Variants in ZC3H12D observed in about 807,000 individuals in gnomAD.
The protein encoded by ZC3H12D is zinc finger CCCH-type containing 12D, also known as probable ribonuclease ZC3H12D.
ZC3H12D carries 11 observed loss-of-function variants against 24.2 expected under a neutral mutation model. The ratio of observed to expected loss-of-function variants is 0.46; its 90% CI spans 0.29 to 0.75. ZC3H12D has a LOEUF of 0.75. Ranked by LOEUF, ZC3H12D falls within the 30% of genes least tolerant of loss-of-function variation. ZC3H12D has a pLI of 0.11. For synonymous variants in ZC3H12D, 333 were observed against 341.8 expected (o/e 0.97, Z 0.28); for missense variants, 740 against 767.7 (o/e 0.96, Z 0.43).
intron 4 of ZC3H12D, among the ~76,000 whole-genome samples, chr6:149,455,680 G>T (rs1775968024): frequency 6.6e-6 from 1 of 152,130 alleles, no homozygotes; most frequent in South Asian, 2.1e-4. Context: ...AACCAGCCAG[G>T]TTCTCTTGAA....
In ZC3H12D at chr6:149,456,624, CCCCGCCG is replaced by C; in HGVS notation, c.680+35_680+41del. 1 of 1,332,594 alleles carries C rather than the reference CCCCGCCG, an allele frequency of 7.5e-7. No individual in the cohort carries two copies. Among genetic ancestry groups the C allele is most frequent in the Non-Finnish European group, 1.1e-6 (1 of 935,872 alleles). The allele number at this position is 1,332,594 out of a possible 1,614,324, so 82.5% of individuals were successfully genotyped here. A position where few individuals can be genotyped will look rare whatever the true frequency, so the allele number is the denominator to read the frequency against. ...CCACTGCCTCGACCCCGGCCCCCCGCCCCGCCGCCCCCCAGGGTGTCAGGACCCCAGC... is the reference window on the plus strand; with the variant it reads ...CCACTGCCTCGACCCCGGCCCCCCGCCCCCCCAGGGTGTCAGGACCCCAGC... On this transcript the variant is annotated intron_variant, in intron 4 of 5. Transcript: ENST00000409806. The surrounding 1 kb of genome is among the most constrained non-coding windows in gnomAD (Gnocchi z 4.3).
chr6:149,457,942 T>C (rs981002746), intron 3 of ZC3H12D, among the ~76,000 whole-genome samples: 4 of 152,044 alleles, frequency 2.6e-5, no homozygotes, highest in South Asian at 4.1e-4. Flanking sequence ...CTTTGAGAAA[T>C]AGGAGGTGGC....
At chr6:149,481,916 GCT>G (rs1776431924) in intron 1 of ZC3H12D, among the ~76,000 whole-genome samples, 1 of 152,250 alleles carries the variant, frequency 6.6e-6, no homozygotes, top group South Asian at 2.1e-4. Context: ...CCAAGGAACG[GCT>G]CTGAGGAAAG....
chr6:149,476,684 T>C (rs1299188753), intron 1 of ZC3H12D, among the ~76,000 whole-genome samples: 1 of 152,146 alleles, frequency 6.6e-6, no homozygotes, highest in Non-Finnish European at 1.5e-5. Flanking sequence ...GGCGTTGGCC[T>C]GTAATCCCAG....
chr6:149,475,795 G>A (rs1299079844), intron 1 of ZC3H12D, among the ~76,000 whole-genome samples: 1 of 152,110 alleles, frequency 6.6e-6, no homozygotes, highest in Non-Finnish European at 1.5e-5. Context: ...GGGGTTGGGG[G>A]GTGGCCTGGG....
In ZC3H12D at chr6:149,465,389, T is replaced by TTTATAG. The variant is rs1452360165; in HGVS notation, c.306-3420_306-3419insCTATAA. On this transcript the variant is annotated intron_variant, in intron 2 of 5. Coordinates refer to ENST00000409806, the MANE Select transcript of ZC3H12D (RefSeq NM_207360.3). ...AAAAAATGAAGAAGATAAATATCCC[T>TTTATAG]TTCGCTACTGAGGCTGAACTCTGAG... 2.4e-3 allele frequency among the ~76,000 whole-genome samples: 364 copies of TTTATAG among 151,206 alleles called. 1 individual carries two copies. Among genetic ancestry groups the TTTATAG allele is most frequent in the African/African-American group, 6.5e-3 (267 of 41,206 alleles).
At chr6:149,475,115 C>T (rs1292403953) in intron 1 of ZC3H12D, among the ~76,000 whole-genome samples, 2 of 152,184 alleles carry the variant, frequency 1.3e-5, no homozygotes, top group African/African-American at 4.8e-5. Flanking sequence ...CATGTGAAGA[C>T]TCAGGGAGAA....
Position 149,456,761 on chromosome 6 carries a change from G to A in ZC3H12D, c.585C>T (p.Val195=), listed in dbSNP as rs1775989201. The change falls in exon 4 of 6, where the codon GTC becomes GTT. Residue 195 remains valine, a synonymous_variant. Coordinates refer to ENST00000409806, the MANE Select transcript of ZC3H12D (RefSeq NM_207360.3). The surrounding 1 kb of genome is among the most constrained non-coding windows in gnomAD (Gnocchi z 4.3). ...KVAYEQDGVI[V]SNDNYRDLQS... The stretch of plus-strand genomic sequence containing the variant: ...GCAGGTCCCGGTAGTTGTCGTTGGA[G>A]ACGATGACGCCGTCCTGCTCGTAGG... 1 of 1,613,814 alleles carries A rather than the reference G, an allele frequency of 6.2e-7. No individual in the cohort carries two copies. Among genetic ancestry groups the A allele is most frequent in the Non-Finnish European group, 8.5e-7 (1 of 1,179,808 alleles).
At chr6:149,480,691 G>A (rs1261633542) in intron 1 of ZC3H12D, among the ~76,000 whole-genome samples, 1 of 152,108 alleles carries the variant, frequency 6.6e-6, no homozygotes, top group Admixed American at 6.5e-5. Flanking sequence ...AGCCAAGATC[G>A]CGCCATTGCA....
At chr6:149,479,285 C>T (rs1776387521) in intron 1 of ZC3H12D, among the ~76,000 whole-genome samples, 1 of 152,196 alleles carries the variant, frequency 6.6e-6, no homozygotes, top group Non-Finnish European at 1.5e-5. Flanking sequence ...TACTTGACCC[C>T]AGGAGGTTGA....
At chr6:149,479,146 G>A (rs1372792037) in intron 1 of ZC3H12D, among the ~76,000 whole-genome samples, 1 of 152,130 alleles carries the variant, frequency 6.6e-6, no homozygotes, top group Non-Finnish European at 1.5e-5. Context: ...GACTGCCTGA[G>A]CCCAGGAGTT....
At chr6:149,464,861 G>A (rs576712370) in intron 2 of ZC3H12D, among the ~76,000 whole-genome samples, 50 of 152,272 alleles carry the variant, frequency 3.3e-4, no homozygotes, top group African/African-American at 1.0e-3. Flanking sequence ...GAATGAGCCC[G>A]GGCAACAGGT....
In ZC3H12D at chr6:149,451,279, G is replaced by A; in HGVS notation, c.988C>T (p.Leu330Phe). 3.1e-6 allele frequency: 4 copies of A among 1,305,310 alleles called. No homozygotes were observed. The highest frequency in any genetic ancestry group is 3.9e-6 in the Non-Finnish European group (4 of 1,034,060). The allele number at this position is 1,305,310 out of a possible 1,614,324, so 80.9% of individuals were successfully genotyped here. A position where few individuals can be genotyped will look rare whatever the true frequency, so the allele number is the denominator to read the frequency against. The change falls in exon 6 of 6, where the codon CTC becomes TTC. Residue 330 changes from leucine (L) to phenylalanine (F), a missense_variant. Coordinates refer to ENST00000409806, the MANE Select transcript of ZC3H12D (RefSeq NM_207360.3). ...TCCGGGGACCCCCGCGCCGGCGGGA[G>A]GCTGTGCGCAAATGGTTCCCGGGGG... ...AAPREPFAHSLPPARGSPDLA... is the reference protein window; with the variant it reads ...AAPREPFAHSFPPARGSPDLA...
chr6:149,461,216 A>T (rs1375300996), intron 3 of ZC3H12D, among the ~76,000 whole-genome samples: 2 of 151,712 alleles, frequency 1.3e-5, no homozygotes. Context: ...TGGCACATGC[A>T]TGTAATCCCA....
chr6:149,471,444 G>A (rs865966728), intron 2 of ZC3H12D, among the ~76,000 whole-genome samples: 3 of 152,240 alleles, frequency 2.0e-5, no homozygotes, highest in Admixed American at 1.3e-4. Context: ...GGGGACACAT[G>A]GCCTAGTGCC....
intron 1 of ZC3H12D, among the ~76,000 whole-genome samples, chr6:149,483,905 C>T (rs1007136169): frequency 2.0e-5 from 3 of 152,216 alleles, no homozygotes; most frequent in Admixed American, 2.0e-4. Flanking sequence ...TACACCACAT[C>T]ACGTTTATCT....
At chr6:149,484,687 A>C (rs1776472385) in intron 1 of ZC3H12D, 126 bp downstream of exon 1, 1 of 152,664 alleles carries the variant, frequency 6.6e-6, no homozygotes, top group Non-Finnish European at 1.5e-5. Context: ...CACGCCCCCA[A>C]GGACTGCTCT....
In ZC3H12D at chr6:149,461,853, T is replaced by TGGTG. The variant is rs1776078357; in HGVS notation, c.419_422dup (p.Arg142ThrfsTer4). 2 of 1,568,296 alleles carry TGGTG rather than the reference T, an allele frequency of 1.3e-6. No homozygotes were observed. Among genetic ancestry groups the TGGTG allele is most frequent in the Non-Finnish European group, 1.7e-6 (2 of 1,156,176 alleles). ...TACCTCTGATAGGGGTGTCAGCTCTTGGTGGGTCCTTCCTCCAGGATGGAA... is the reference window on the plus strand; with the variant it reads ...TACCTCTGATAGGGGTGTCAGCTCTTGGTGGGTGGGTCCTTCCTCCAGGATGGAA... On this transcript the variant is annotated frameshift_variant, in exon 3 of 6. Transcript: ENST00000409806. LOFTEE classifies it high-confidence loss of function.
rs1583182314 is a variant in ZC3H12D at position 149,450,520 on chromosome 6, C to T, written c.*163G>A. The T allele has an allele frequency of 3.9e-6, 3 of 763,760 alleles. No homozygotes were observed. The East Asian group carries it at 8.9e-5, about 23-fold the overall frequency. The allele number at this position is 763,760 out of a possible 1,614,324, so 47.3% of individuals were successfully genotyped here. ...GAGGATCACCAAGTGCCACCAGGCC[C>T]CCACAACCCCGCTCAGGAGGAGGAA... On this transcript the variant is annotated 3_prime_UTR_variant, in exon 6 of 6. Coordinates refer to ENST00000409806, the MANE Select transcript of ZC3H12D (RefSeq NM_207360.3).
Sources: allele counts gnomAD v4.1 joint callset (sites outside exome capture counted in the v4.1 genomes callset), GRCh38; gene constraint gnomAD v4.1.1; non-coding constraint Gnocchi (gnomAD v3.1); transcripts MANE v1.5; gene names NCBI Gene and HGNC (gene_info 2026-07-23, HGNC 2026-07-21).